WDPCP: variants seen among roughly 807,000 people sequenced by gnomAD.
The protein encoded by WDPCP is WD repeat-containing and planar cell polarity effector protein fritz homolog.
Under a neutral mutation model 93.1 loss-of-function variants are expected in WDPCP, and 71 were observed. The ratio of observed to expected loss-of-function variants is 0.76; its 90% CI spans 0.63 to 0.93. WDPCP has a LOEUF of 0.93. Among genes scored for constraint, WDPCP ranks in the 40% least tolerant of loss-of-function variants. WDPCP has a pLI of 0.00. For synonymous variants in WDPCP, 315 were observed against 315.0 expected (o/e 1.00, Z 0.00); for missense variants, 844 against 887.4 (o/e 0.95, Z 0.62).
At chr2:63,154,047 T>C (rs1672066104) in intron 15 of WDPCP, among the ~76,000 whole-genome samples, 2 of 151,878 alleles carry the variant, frequency 1.3e-5, no homozygotes, top group African/African-American at 4.8e-5. Context: ...TCTCTGGATA[T>C]TTAGCTCCAC....
At chr2:63,275,718 G>A in intron 13 of WDPCP, among the ~76,000 whole-genome samples, 1 of 151,936 alleles carries the variant, frequency 6.6e-6, no homozygotes, top group South Asian at 2.1e-4. Context: ...AATAACACCA[G>A]TAAAAAAAAC....
chr2:63,416,179 T>C (rs1465557924), intron 9 of WDPCP, among the ~76,000 whole-genome samples: 1 of 151,260 alleles, frequency 6.6e-6, no homozygotes, highest in Non-Finnish European at 1.5e-5. Flanking sequence ...TCCTATGCTG[T>C]TGCATGAAAT....
intron 12 of WDPCP, among the ~76,000 whole-genome samples, chr2:63,322,776 T>A (rs1366524652): frequency 2.0e-5 from 3 of 152,012 alleles, no homozygotes; most frequent in Non-Finnish European, 4.4e-5. Context: ...GCGACCCAGA[T>A]GGGACCATCG....
intron 2 of WDPCP, among the ~76,000 whole-genome samples, chr2:63,696,571 C>G (rs572818566): frequency 4.6e-5 from 7 of 152,172 alleles, no homozygotes; most frequent in Non-Finnish European, 1.0e-4. Context: ...TTCACCTCCA[C>G]CAGCCTGGAA....
intron 12 of WDPCP, among the ~76,000 whole-genome samples, chr2:63,371,482 A>G (rs1007281584): frequency 3.3e-5 from 5 of 152,108 alleles, no homozygotes; most frequent in Non-Finnish European, 4.4e-5. Flanking sequence ...AATACTCTCA[A>G]TTCCTTACAA....
chr2:63,129,113 C>T (rs1670121135), intron 17 of WDPCP, among the ~76,000 whole-genome samples: 1 of 152,180 alleles, frequency 6.6e-6, no homozygotes, highest in African/African-American at 2.4e-5. Context: ...GAACTTCATT[C>T]CCTTTTTAGG....
chr2:63,531,728 G>A (rs771906275), intron 1 of WDPCP, among the ~76,000 whole-genome samples: 26 of 152,096 alleles, frequency 1.7e-4, no homozygotes, highest in Non-Finnish European at 2.5e-4. Context: ...AAAGACCAAA[G>A]GTAGATAAAA....
intron 13 of WDPCP, among the ~76,000 whole-genome samples, chr2:63,263,138 C>G (rs913907946): frequency 6.6e-6 from 1 of 152,242 alleles, no homozygotes; most frequent in South Asian, 2.1e-4. Flanking sequence ...GCTTTAGGAT[C>G]TGGTGAAAGA....
intron 15 of WDPCP, among the ~76,000 whole-genome samples, chr2:63,166,922 C>T (rs1673035805): frequency 6.6e-6 from 1 of 151,872 alleles, no homozygotes; most frequent in African/African-American, 2.4e-5. Context: ...TTTTTGTACC[C>T]ATTAACCATC....
At chr2:63,509,944 C>G (rs778111396) in intron 1 of WDPCP, among the ~76,000 whole-genome samples, 1 of 151,988 alleles carries the variant, frequency 6.6e-6, no homozygotes, top group Non-Finnish European at 1.5e-5. Context: ...AATATATAGT[C>G]TACCAACCAA....
At chr2:63,368,527 T>C (rs1322398189) in intron 12 of WDPCP, among the ~76,000 whole-genome samples, 1 of 151,906 alleles carries the variant, frequency 6.6e-6, no homozygotes, top group East Asian at 1.9e-4. Flanking sequence ...GGTTTTACCA[T>C]GTTGGCCGGG....
chr2:63,338,569 AATATATATATATATATATATAT>A (rs1159039677), intron 12 of WDPCP, among the ~76,000 whole-genome samples: 4 of 14,492 alleles, frequency 2.8e-4, no homozygotes, highest in Admixed American at 1.2e-3. Flanking sequence ...AAAAAAAAAA[AATATATATATATATATATATAT>A]ATATATATAT....
At chr2:63,231,048 C>T (rs951715333) in intron 14 of WDPCP, among the ~76,000 whole-genome samples, 1 of 152,140 alleles carries the variant, frequency 6.6e-6, no homozygotes, top group Non-Finnish European at 1.5e-5. Context: ...GCTTATCCAC[C>T]ACGATCAAGT....
At chr2:63,623,579 A>C (rs1298341842) in intron 3 of WDPCP, among the ~76,000 whole-genome samples, 1 of 152,212 alleles carries the variant, frequency 6.6e-6, no homozygotes, top group Non-Finnish European at 1.5e-5. Context: ...AAAGATCAAA[A>C]AAGACAAAGA....
chr2:63,229,298 A>C (rs1678606645), intron 14 of WDPCP: 1 of 151,790 alleles, frequency 6.6e-6, no homozygotes, highest in Non-Finnish European at 1.5e-5. Flanking sequence ...TTTTCTTGTA[A>C]ATTTATTTGA....
chr2:63,616,016 T>C (rs1709669906), intron 3 of WDPCP, among the ~76,000 whole-genome samples: 1 of 152,230 alleles, frequency 6.6e-6, no homozygotes, highest in African/African-American at 2.4e-5. Context: ...TGTTCATTTA[T>C]TTTTTCAACA....
rs552167859 is a variant in WDPCP at position 63,781,658 on chromosome 2, T to C, written n.308+31964A>G. On this transcript the variant is annotated intron_variant and non_coding_transcript_variant, in intron 2 of 4. Coordinates refer to the WDPCP transcript ENST00000467687. ...CAGAAACGAAACAATCTGTGGGATA[T>C]GTGCAACCAACAGAAGCAGGTATAA... 1.4e-4 allele frequency among the ~76,000 whole-genome samples: 22 copies of C among 152,248 alleles called. No individual in the cohort carries two copies. In the South Asian group the frequency reaches 3.5e-3, roughly 24 times the overall value.
intron 12 of WDPCP, among the ~76,000 whole-genome samples, chr2:63,353,159 A>G (rs1689755835): frequency 6.6e-6 from 1 of 152,122 alleles, no homozygotes; most frequent in Admixed American, 6.5e-5. Context: ...CCTCAGGTCA[A>G]GAGATCTCTA....
At chr2:63,817,083 C>T (rs761806362) in intron 1 of WDPCP, among the ~76,000 whole-genome samples, 12 of 151,658 alleles carry the variant, frequency 7.9e-5, no homozygotes, top group Non-Finnish European at 1.8e-4. Context: ...GTCAAAAACT[C>T]ATCAGACACT....
Sources: allele counts gnomAD v4.1 joint callset (sites outside exome capture counted in the v4.1 genomes callset), GRCh38; gene constraint gnomAD v4.1.1; transcripts MANE v1.5; gene names NCBI Gene and HGNC (gene_info 2026-07-23, HGNC 2026-07-21).